The following ARHGAP28 variants were observed in gnomAD, a reference collection of about 807,000 sequenced individuals.
ARHGAP28 encodes the protein Rho GTPase activating protein 28.
A neutral mutation model predicts 90.7 loss-of-function variants in ARHGAP28; 56 were observed. That is an observed-to-expected ratio of 0.62 (90% CI 0.50 to 0.77). The LOEUF (loss-of-function observed/expected upper bound fraction) is 0.77. Among genes scored for constraint, ARHGAP28 ranks in the 30% least tolerant of loss-of-function variants. The probability of loss-of-function intolerance (pLI) is 0.00; values close to 1 mark genes in which losing one functional copy is unlikely to be tolerated. For missense variants in ARHGAP28, 869 were observed against 900.9 expected, an observed-to-expected ratio of 0.96 and a Z score of 0.45; for synonymous variants, 308 against 323.3, an observed-to-expected ratio of 0.95 and a Z score of 0.51.
intron 1 of ARHGAP28, among the ~76,000 whole-genome samples, chr18:6,763,906 G>T (rs1447215926): frequency 6.6e-6 from 1 of 152,056 alleles, no homozygotes; most frequent in Non-Finnish European, 1.5e-5. Context: ...CTTTATTTAG[G>T]TTTAGAAAAA....
chr18:6,870,331 A>G (rs767768875), intron 6 of ARHGAP28, among the ~76,000 whole-genome samples: 1 of 152,214 alleles, frequency 6.6e-6, no homozygotes, highest in South Asian at 2.1e-4. Flanking sequence ...CATGAGACAT[A>G]CAAATCTAAA....
At chr18:6,825,026 T>G in intron 2 of ARHGAP28, 62 bp downstream of exon 2, 1 of 1,394,068 alleles carries the variant, frequency 7.2e-7, no homozygotes, top group Non-Finnish European at 9.5e-7. Flanking sequence ...CCTCTGTTAC[T>G]CTGTTCATAG....
At chr18:6,898,398 T>TAC (rs753902927) in intron 16 of ARHGAP28, 5 of 993,546 alleles carry the variant, frequency 5.0e-6, no homozygotes, top group East Asian at 2.4e-5. Flanking sequence ...TATACACATA[T>TAC]ACACACACAC....
intron 14 of ARHGAP28, among the ~76,000 whole-genome samples, chr18:6,893,591 CA>C (rs1308032791): frequency 6.6e-6 from 1 of 152,070 alleles, no homozygotes; most frequent in African/African-American, 2.4e-5. Flanking sequence ...TGAGCCTGGA[CA>C]AACTACATTC....
chr18:6,736,476 A>G (rs963787213), intron 1 of ARHGAP28, among the ~76,000 whole-genome samples: 17 of 152,086 alleles, frequency 1.1e-4, no homozygotes, highest in Non-Finnish European at 2.9e-5. Context: ...GCAGTGGCTC[A>G]CACCTGTAAT....
At chr18:6,857,378 A>C (rs1389909138) in intron 4 of ARHGAP28, among the ~76,000 whole-genome samples, 1 of 152,246 alleles carries the variant, frequency 6.6e-6, no homozygotes, top group East Asian at 1.9e-4. Context: ...CAGTATCAAC[A>C]TAGATATAAA....
In ARHGAP28 at chr18:6,867,603, C is replaced by A. The variant is rs563210311; in HGVS notation, c.727-547C>A. On this transcript the variant is annotated intron_variant, in intron 5 of 17. Coordinates refer to ENST00000383472, the MANE Select transcript of ARHGAP28 (RefSeq NM_001366230.1). The stretch of plus-strand genomic sequence containing the variant: ...GGCAGGATTTCAATTTAAAAAATAC[C>A]AAATTAATTAAGAGGGGAAATTGAA... 3.3e-5 allele frequency among the ~76,000 whole-genome samples: 5 copies of A among 152,038 alleles called. 1 individual carries two copies. The East Asian group carries it at 7.7e-4, about 23-fold the overall frequency.
chr18:6,841,167 C>CT (rs1225722544), intron 3 of ARHGAP28, among the ~76,000 whole-genome samples: 70 of 79,976 alleles, frequency 8.8e-4, no homozygotes, highest in African/African-American at 1.5e-3. Flanking sequence ...TTCTCTCTCT[C>CT]CTCTCTCTCT....
chr18:6,825,316 GTTA>G (rs564302606), intron 2 of ARHGAP28, among the ~76,000 whole-genome samples: 1 of 152,016 alleles, frequency 6.6e-6, no homozygotes, highest in African/African-American at 2.4e-5. Context: ...CTACTCATTT[GTTA>G]TTATTAATTA....
chr18:6,873,447 A>T lies in ARHGAP28; in HGVS notation c.993A>T (p.Glu331Asp). 1 of 1,612,492 alleles carries T rather than the reference A, an allele frequency of 6.2e-7. No individual in the cohort carries two copies. Among genetic ancestry groups the T allele is most frequent in the Non-Finnish European group, 8.5e-7 (1 of 1,179,650 alleles). The change falls in exon 8 of 18, where the codon GAA becomes GAT. Residue 331 changes from glutamate (E) to aspartate (D), a missense_variant. Coordinates refer to ENST00000383472, the MANE Select transcript of ARHGAP28 (RefSeq NM_001366230.1). ...NVQKTRFGLT[E>D]AGDLSAEDMK... ...AGAAAACCAGATTTGGCTTAACTGAAGCAGGAGATCTGTCTGCTGAAGACA... is the reference window on the plus strand; with the variant it reads ...AGAAAACCAGATTTGGCTTAACTGATGCAGGAGATCTGTCTGCTGAAGACA...
chr18:6,821,331 G>C (rs112194223), intron 1 of ARHGAP28, among the ~76,000 whole-genome samples: 130 of 152,240 alleles, frequency 8.5e-4, no homozygotes, highest in African/African-American at 3.0e-3. Flanking sequence ...TTTAAACCTT[G>C]TGGTGTTTTT....
Position 6,869,250 on chromosome 18 carries a change from ATTCTTTTTTTTTTTTTTT to A in ARHGAP28, c.811+1019_811+1036del, listed in dbSNP as rs1036860884. On this transcript the variant is annotated intron_variant, in intron 6 of 17. Transcript: ENST00000383472. Reference sequence around the variant, plus strand: ...GGAGCATCATAGCTCTCCTTTTGCCATTCTTTTTTTTTTTTTTTTTTTTTTTTGAGATGGAGTTTCGCT... The same window carrying A: ...GGAGCATCATAGCTCTCCTTTTGCCATTTTTTTTTGAGATGGAGTTTCGCT... Among the ~76,000 whole-genome samples the A allele has an allele frequency of 9.6e-5, 10 of 103,812 alleles. No individual in the cohort carries two copies. In the Admixed American group the frequency reaches 1.1e-3, roughly 12 times the overall value. The allele number at this position is 103,812 out of a possible 152,430, so 68.1% of individuals were successfully genotyped here.
chr18:6,767,402 A>G (rs937788132), intron 1 of ARHGAP28, among the ~76,000 whole-genome samples: 1 of 152,166 alleles, frequency 6.6e-6, no homozygotes, highest in African/African-American at 2.4e-5. Flanking sequence ...TATATTTGCA[A>G]TTCCCCACAT....
Position 6,894,817 on chromosome 18 carries a change from A to T in ARHGAP28, c.1849-18A>T. On this transcript the variant is annotated intron_variant, in intron 14 of 17. Transcript: ENST00000383472. ...CTTGTTTTCTCAACATTACTCCTAA[A>T]GACTGTGTTTCTTTTAGACTGCAAG... is the stretch of plus-strand genomic sequence containing the variant. The T allele has an allele frequency of 1.2e-6, 2 of 1,612,788 alleles. No homozygotes were observed. Among genetic ancestry groups the T allele is most frequent in the Non-Finnish European group, 1.7e-6 (2 of 1,179,002 alleles).
At chr18:6,909,610 T>C (rs2057385418) in intron 17 of ARHGAP28, among the ~76,000 whole-genome samples, 1 of 152,048 alleles carries the variant, frequency 6.6e-6, no homozygotes, top group African/African-American at 2.4e-5. Context: ...GTCTTTTCAG[T>C]GTGATTTGAA....
intron 14 of ARHGAP28, among the ~76,000 whole-genome samples, chr18:6,893,697 C>T (rs1388865053): frequency 2.6e-5 from 4 of 151,772 alleles, no homozygotes; most frequent in African/African-American, 4.8e-5. Flanking sequence ...GATGGACTCA[C>T]GGTGTGTGTG....
At chr18:6,877,873 A>G (rs2057144237) in intron 10 of ARHGAP28, among the ~76,000 whole-genome samples, 1 of 152,204 alleles carries the variant, frequency 6.6e-6, no homozygotes, top group Non-Finnish European at 1.5e-5. Flanking sequence ...GAAATTTCCT[A>G]AACAGAAACA....
At chr18:6,841,518 GTATTTATCTTA>G (rs1192118467) in intron 3 of ARHGAP28, among the ~76,000 whole-genome samples, 4 of 151,176 alleles carry the variant, frequency 2.6e-5, no homozygotes, top group Non-Finnish European at 5.9e-5. Flanking sequence ...AAAGATATAA[GTATTTATCTTA>G]TATTTATCTA....
intron 1 of ARHGAP28, among the ~76,000 whole-genome samples, chr18:6,758,629 C>A (rs145984406): frequency 6.6e-6 from 1 of 152,298 alleles, no homozygotes; most frequent in East Asian, 1.9e-4. Context: ...CAGCCACTTG[C>A]TTGTCTTTTA....
Sources: gnomAD v4.1 joint callset for allele counts (sites outside exome capture counted in the v4.1 genomes callset) on GRCh38, gnomAD v4.1.1 for gene constraint, MANE v1.5 for transcripts, NCBI Gene and HGNC (gene_info 2026-07-23, HGNC 2026-07-21) for gene names.